MARCHF3: variants seen among roughly 807,000 people sequenced by gnomAD.
MARCHF3 encodes the protein membrane associated ring-CH-type finger 3.
A neutral mutation model predicts 24.2 loss-of-function variants in MARCHF3; 13 were observed. The observed-to-expected ratio is 0.54, with a 90% CI of 0.35 to 0.85. The LOEUF (loss-of-function observed/expected upper bound fraction) is 0.85. MARCHF3 is among the 40% of genes least tolerant of loss of function. The pLI is 0.01. For missense variants in MARCHF3, 276 were observed against 325.0 expected (o/e 0.85, Z 1.16); for synonymous variants, 144 against 137.3 (o/e 1.05, Z -0.34).
intron 1 of MARCHF3, among the ~76,000 whole-genome samples, chr5:126,991,878 TAG>T (rs1356138429): frequency 6.6e-6 from 1 of 152,208 alleles, no homozygotes; most frequent in Non-Finnish European, 1.5e-5. Flanking sequence ...CCTAGCAGGT[TAG>T]AGTCTCAAAG....
chr5:126,927,228 A>G (rs1749325672), intron 1 of MARCHF3, among the ~76,000 whole-genome samples: 1 of 152,178 alleles, frequency 6.6e-6, no homozygotes. Flanking sequence ...GCACAAGAAC[A>G]AAGTAACACA....
chr5:126,909,401 G>A (rs994505431), intron 3 of MARCHF3, among the ~76,000 whole-genome samples: 37 of 152,202 alleles, frequency 2.4e-4, no homozygotes, highest in Admixed American at 7.9e-4. Context: ...GGGCAATGGC[G>A]GGCGCCCCTC....
chr5:126,921,101 C>A (rs749545885), intron 1 of MARCHF3, among the ~76,000 whole-genome samples: 2 of 151,656 alleles, frequency 1.3e-5, no homozygotes, highest in Non-Finnish European at 2.9e-5. Context: ...AATGATAGTC[C>A]GGTCCAGCAT....
rs182591349 is a variant in MARCHF3, at chr5:127,004,816, T to C, written c.-57+25534A>G. 7.8e-3 allele frequency among the ~76,000 whole-genome samples: 1,183 copies of C among 152,164 alleles called. 8 individuals carry two copies. The highest frequency in any genetic ancestry group is 0.013 in the Non-Finnish European group (852 of 68,014). On this transcript the variant is annotated intron_variant, in intron 1 of 4. Coordinates refer to ENST00000308660, the MANE Select transcript of MARCHF3 (RefSeq NM_178450.5). ...CCTTCATTGGTGCTCTTTGGCAATA[T>C]AAAAGGCATATTAGAAAAAGCAGAG...
At chr5:127,001,146 G>A (rs1752116220) in intron 1 of MARCHF3, among the ~76,000 whole-genome samples, 1 of 151,988 alleles carries the variant, frequency 6.6e-6, no homozygotes, top group East Asian at 2.0e-4. Context: ...GCTGAGGCAG[G>A]AGGATTGCTT....
intron 1 of MARCHF3, among the ~76,000 whole-genome samples, chr5:126,979,219 C>A (rs1203461208): frequency 1.3e-5 from 2 of 152,184 alleles, no homozygotes; most frequent in African/African-American, 4.8e-5. Flanking sequence ...TTTACTTCCT[C>A]AACCAGACTG....
intron 3 of MARCHF3, among the ~76,000 whole-genome samples, chr5:126,909,929 A>T (rs1156731284): frequency 6.6e-6 from 1 of 152,192 alleles, no homozygotes; most frequent in African/African-American, 2.4e-5. Context: ...TTTATATCCT[A>T]TTATTCTGGG....
chr5:126,884,759 G>A (rs75992502), intron 3 of MARCHF3, among the ~76,000 whole-genome samples: 3,417 of 152,256 alleles, frequency 0.022, 114 homozygotes, highest in African/African-American at 0.079. Context: ...GACATCCCAG[G>A]CTAGGTCGCC....
chr5:126,952,467 C>A (rs1750279148), intron 1 of MARCHF3, among the ~76,000 whole-genome samples: 1 of 152,038 alleles, frequency 6.6e-6, no homozygotes, highest in Non-Finnish European at 1.5e-5. Flanking sequence ...TGTAACAATT[C>A]TTGATTTTAG....
intron 3 of MARCHF3, among the ~76,000 whole-genome samples, chr5:126,898,585 G>A (rs76689849): frequency 0.051 from 7,736 of 152,086 alleles, 355 homozygotes; most frequent in African/African-American, 0.12. Context: ...CTTTGGAAGC[G>A]GTGAATTGTA....
At chr5:126,899,153 C>T (rs1580616271) in intron 3 of MARCHF3, 3 of 985,202 alleles carry the variant, frequency 3.0e-6, no homozygotes, top group Non-Finnish European at 3.6e-6. Flanking sequence ...AGAAAGGAGG[C>T]GGGCAGTGGT....
chr5:126,971,798 T>G, intron 1 of MARCHF3, among the ~76,000 whole-genome samples: 1 of 152,240 alleles, frequency 6.6e-6, no homozygotes, highest in Non-Finnish European at 1.5e-5. Context: ...AGTTTGACAC[T>G]GTTATTCCTC....
intron 3 of MARCHF3, among the ~76,000 whole-genome samples, chr5:126,903,742 T>C (rs1345773006): frequency 6.6e-6 from 1 of 152,074 alleles, no homozygotes; most frequent in Non-Finnish European, 1.5e-5. Context: ...GGTTTCTTCA[T>C]AGCAGTTCAA....
At chr5:126,973,808 CATAAAT>C (rs1751098999) in intron 1 of MARCHF3, among the ~76,000 whole-genome samples, 2 of 150,868 alleles carry the variant, frequency 1.3e-5, no homozygotes, top group African/African-American at 4.9e-5. Flanking sequence ...TATTTTCAGG[CATAAAT>C]ATAAGTTGGA....
At chr5:127,021,454 T>C (rs1482481758) in intron 1 of MARCHF3, among the ~76,000 whole-genome samples, 1 of 152,234 alleles carries the variant, frequency 6.6e-6, no homozygotes, top group African/African-American at 2.4e-5. Context: ...ACAGATTTCA[T>C]AATTTCATAC....
intron 1 of MARCHF3, among the ~76,000 whole-genome samples, chr5:126,933,415 G>A (rs148975950): frequency 1.1e-4 from 17 of 150,916 alleles, no homozygotes; most frequent in Middle Eastern, 3.5e-3. Flanking sequence ...AGAATTTTCC[G>A]CTGTATGCCT....
intron 3 of MARCHF3, among the ~76,000 whole-genome samples, chr5:126,902,003 GA>G (rs1754121053): frequency 6.6e-6 from 1 of 152,128 alleles, no homozygotes; most frequent in Non-Finnish European, 1.5e-5. Flanking sequence ...TCAAAGAAGT[GA>G]ACTCCATAGC....
intron 1 of MARCHF3, among the ~76,000 whole-genome samples, chr5:126,925,698 G>C (rs1749270660): frequency 6.6e-6 from 1 of 152,216 alleles, no homozygotes; most frequent in South Asian, 2.1e-4. Context: ...AGCTGAGGGA[G>C]GGGGGTTGCA....
chr5:126,929,193 T>A (rs974902880), intron 1 of MARCHF3, among the ~76,000 whole-genome samples: 2 of 152,242 alleles, frequency 1.3e-5, no homozygotes, highest in African/African-American at 2.4e-5. Context: ...CTCCATTTTT[T>A]AAATTTGTCT....
Sources: allele counts gnomAD v4.1 joint callset (sites outside exome capture counted in the v4.1 genomes callset), GRCh38; gene constraint gnomAD v4.1.1; transcripts MANE v1.5; gene names NCBI Gene and HGNC (gene_info 2026-07-23, HGNC 2026-07-21).